The following ZNF148 variants were observed in gnomAD, a reference collection of about 807,000 sequenced individuals.
ZNF148 encodes the protein zinc finger protein 148.
Under a neutral mutation model 67.7 loss-of-function variants are expected in ZNF148, and 7 were observed. That is an observed-to-expected ratio of 0.10 (90% CI 0.06 to 0.19). The LOEUF is 0.19. ZNF148 is among the 10% of genes least tolerant of loss of function. The pLI is 1.00. For missense variants in ZNF148, 583 were observed against 947.1 expected, an observed-to-expected ratio of 0.62 and a Z score of 5.05; for synonymous variants, 333 against 330.7, an observed-to-expected ratio of 1.01 and a Z score of -0.08.
At chr3:125,246,861 T>C (rs765599257) in intron 7 of ZNF148, among the ~76,000 whole-genome samples, 1 of 152,216 alleles carries the variant, frequency 6.6e-6, no homozygotes, top group Non-Finnish European at 1.5e-5. Context: ...TACCCAATAA[T>C]TTTCCTTAAA....
intron 3 of ZNF148, among the ~76,000 whole-genome samples, chr3:125,321,625 A>G (rs1010552042): frequency 3.3e-5 from 5 of 152,184 alleles, no homozygotes; most frequent in African/African-American, 1.2e-4. Context: ...ATGGAAATCC[A>G]AACAGTTTAA....
chr3:125,280,451 G>A (rs1938316364), intron 5 of ZNF148, among the ~76,000 whole-genome samples: 1 of 152,150 alleles, frequency 6.6e-6, no homozygotes, highest in Admixed American at 6.5e-5. Flanking sequence ...GGTGGCTGAG[G>A]TGGGTGGCTC....
chr3:125,261,012 C>A (rs1937311000), intron 7 of ZNF148, among the ~76,000 whole-genome samples: 1 of 152,052 alleles, frequency 6.6e-6, no homozygotes, highest in African/African-American at 2.4e-5. Context: ...GTGATTGATA[C>A]AGGGTGGGGG....
chr3:125,369,384 C>CA (rs759752715), intron 1 of ZNF148, among the ~76,000 whole-genome samples: 26,766 of 47,398 alleles, frequency 0.56, 9,458 homozygotes, highest in Non-Finnish European at 0.58. Flanking sequence ...ACTGCAACCT[C>CA]AAAAAAAAAA....
chr3:125,371,502 C>CA (rs1174228475), intron 1 of ZNF148, among the ~76,000 whole-genome samples: 4 of 148,690 alleles, frequency 2.7e-5, no homozygotes, highest in South Asian at 4.3e-4. Flanking sequence ...ACTAAAAACA[C>CA]AAAAAAATTA....
intron 4 of ZNF148, among the ~76,000 whole-genome samples, chr3:125,309,415 CAAGA>C (rs1191607546): frequency 6.6e-6 from 1 of 152,032 alleles, no homozygotes; most frequent in Non-Finnish European, 1.5e-5. Context: ...TGAAAAATCA[CAAGA>C]AAGAGACATC....
In ZNF148 at chr3:125,326,859, A is replaced by AAGAT. The variant is rs984798199; in HGVS notation, c.-152-3419_-152-3416dup. On this transcript the variant is annotated intron_variant, in intron 2 of 8. Coordinates refer to ENST00000360647, the MANE Select transcript of ZNF148 (RefSeq NM_021964.3). ...ATGTATACAGATATATATGTATATA[A>AAGAT]AGATATATATATATATAGTGTGTGT... Among the ~76,000 whole-genome samples the AAGAT allele has an allele frequency of 2.4e-4, 31 of 130,572 alleles. No homozygotes were observed. The South Asian group carries it at 4.6e-3, about 19-fold the overall frequency. The allele number at this position is 130,572 out of a possible 152,430, so 85.7% of individuals were successfully genotyped here.
rs1579578891 is a variant in ZNF148 at position 125,234,191 on chromosome 3, T to C, written c.786+20A>G. 2.7e-6 allele frequency: 4 copies of C among 1,493,898 alleles called. No homozygotes were observed. In the East Asian group the frequency reaches 9.1e-5, roughly 34 times the overall value. The allele number at this position is 1,493,898 out of a possible 1,614,324, so 92.5% of individuals were successfully genotyped here. ...GTATAATTTAATTACAGTAGAAGAA[T>C]TTCAAGCCATCTCTCTTACCTGTAA... On this transcript the variant is annotated intron_variant, in intron 8 of 8. Transcript: ENST00000360647.
At chr3:125,285,116 T>C (rs1938591584) in intron 5 of ZNF148, among the ~76,000 whole-genome samples, 1 of 152,172 alleles carries the variant, frequency 6.6e-6, no homozygotes, top group African/African-American at 2.4e-5. Context: ...CCCAATCTAA[T>C]ACTACACAAT....
chr3:125,343,745 T>G (rs1441648132), intron 1 of ZNF148, among the ~76,000 whole-genome samples: 1 of 152,168 alleles, frequency 6.6e-6, no homozygotes, highest in Non-Finnish European at 1.5e-5. Flanking sequence ...AGCTTTGTCC[T>G]TTCTTCAAAA....
At chr3:125,272,609 T>C (rs1445890942) in intron 7 of ZNF148, among the ~76,000 whole-genome samples, 1 of 132,576 alleles carries the variant, frequency 7.5e-6, no homozygotes, top group Non-Finnish European at 1.6e-5. Flanking sequence ...TATTTTTATA[T>C]ATATCAGGTT....
chr3:125,288,127 C>T lies in ZNF148; in HGVS notation c.435G>A (p.Lys145=), dbSNP rs749904871. Residue 145 remains lysine (K), a synonymous_variant, in exon 5 of 9, where the codon AAG becomes AAA. Transcript: ENST00000360647. ...REPVDLQKKK[K]RKQRSPAKIL... is the part of the protein sequence containing the mutation. ...CTTTTGCGGGAGAACGTTGTTTCCGCTTCTTCTTTTTCTGTAAGTCTACTG... is the reference window on the plus strand; with the variant it reads ...CTTTTGCGGGAGAACGTTGTTTCCGTTTCTTCTTTTTCTGTAAGTCTACTG... The T allele has an allele frequency of 3.1e-6, 5 of 1,613,826 alleles. No homozygotes were observed. The South Asian group carries it at 4.4e-5, about 14-fold the overall frequency.
chr3:125,288,685 C>G (rs749567897), intron 4 of ZNF148, among the ~76,000 whole-genome samples: 1 of 152,110 alleles, frequency 6.6e-6, no homozygotes, highest in Non-Finnish European at 1.5e-5. Flanking sequence ...AAGTAAACCA[C>G]ACAAATTCTA....
At chr3:125,243,401 T>C (rs1419070626) in intron 7 of ZNF148, among the ~76,000 whole-genome samples, 1 of 152,260 alleles carries the variant, frequency 6.6e-6, no homozygotes, top group South Asian at 2.1e-4. Flanking sequence ...TTTATAATCA[T>C]ATTGCTTGCA....
At chr3:125,312,153 ATT>A (rs1463252867) in intron 4 of ZNF148, among the ~76,000 whole-genome samples, 1 of 152,218 alleles carries the variant, frequency 6.6e-6, no homozygotes, top group Non-Finnish European at 1.5e-5. Flanking sequence ...ATAGACTAAT[ATT>A]TCTCATGAAC....
At chr3:125,299,949 G>A (rs374296105) in intron 4 of ZNF148, among the ~76,000 whole-genome samples, 3 of 152,242 alleles carry the variant, frequency 2.0e-5, no homozygotes, top group South Asian at 4.1e-4. Context: ...ATACGCTGAC[G>A]TAAAAAGGAT....
At chr3:125,327,349 A>G (rs1215633295) in intron 2 of ZNF148, among the ~76,000 whole-genome samples, 1 of 152,200 alleles carries the variant, frequency 6.6e-6, no homozygotes, top group African/African-American at 2.4e-5. Flanking sequence ...ACAGAAAATT[A>G]GCAAAGACAG....
intron 7 of ZNF148, among the ~76,000 whole-genome samples, chr3:125,249,852 AAGGAAAGCC>A (rs555679242): frequency 6.6e-6 from 1 of 152,338 alleles, no homozygotes; most frequent in South Asian, 2.1e-4. Context: ...CAGCTTAAAA[AAGGAAAGCC>A]TGTCATTTGT....
chr3:125,343,258 T>C (rs1401807468), intron 1 of ZNF148, among the ~76,000 whole-genome samples: 1 of 152,116 alleles, frequency 6.6e-6, no homozygotes, highest in African/African-American at 2.4e-5. Flanking sequence ...TTGGAGTACA[T>C]TTAGTAAAAA....
Sources: allele counts gnomAD v4.1 joint callset (sites outside exome capture counted in the v4.1 genomes callset), GRCh38; gene constraint gnomAD v4.1.1; transcripts MANE v1.5; gene names NCBI Gene and HGNC (gene_info 2026-07-23, HGNC 2026-07-21).